Variants in ZBTB20 observed in about 807,000 individuals in gnomAD.
ZBTB20 encodes the protein zinc finger and BTB domain containing 20, also known as zinc finger and BTB domain-containing protein 20.
In ZBTB20, 9 loss-of-function variants were observed where a neutral mutation model predicts 56.9. The ratio of observed to expected loss-of-function variants is 0.16; its 90% confidence interval spans 0.10 to 0.28. The LOEUF (loss-of-function observed/expected upper bound fraction) is 0.28, where lower values mean the gene tolerates loss of function less well. Among genes scored for constraint, ZBTB20 ranks in the 10% least tolerant of loss-of-function variants. ZBTB20 has a pLI of 1.00. For missense variants in ZBTB20, 655 were observed against 1,003.0 expected (o/e 0.65, Z 4.69); for synonymous variants, 417 against 420.7 (o/e 0.99, Z 0.11).
intron 2 of ZBTB20, among the ~76,000 whole-genome samples, chr3:114,987,618 A>G (rs750555547): frequency 1.1e-4 from 17 of 152,144 alleles, no homozygotes; most frequent in South Asian, 2.1e-4. Context: ...TATTTCCAAA[A>G]TAACATAGGT....
chr3:114,927,430 C>T (rs114044371), intron 3 of ZBTB20, among the ~76,000 whole-genome samples: 278 of 152,298 alleles, frequency 1.8e-3, no homozygotes, highest in Non-Finnish European at 3.3e-3. Context: ...GTGTCCTTAA[C>T]GTTGACAAAA....
At chr3:114,539,978 T>G (rs1207711717) in intron 6 of ZBTB20, among the ~76,000 whole-genome samples, 1 of 151,742 alleles carries the variant, frequency 6.6e-6, no homozygotes, top group Non-Finnish European at 1.5e-5. Context: ...TAAACTTGTG[T>G]CATGGGGGTT....
At chr3:114,881,600 G>A (rs1483720521) in intron 4 of ZBTB20, among the ~76,000 whole-genome samples, 1 of 151,766 alleles carries the variant, frequency 6.6e-6, no homozygotes, top group African/African-American at 2.4e-5. Context: ...TTATAAAGAA[G>A]ATGTTTTCTT....
At chr3:115,024,908 A>T (rs2080355703) in intron 2 of ZBTB20, among the ~76,000 whole-genome samples, 2 of 151,182 alleles carry the variant, frequency 1.3e-5, no homozygotes, top group Admixed American at 1.3e-4. Flanking sequence ...TAGAAATTAT[A>T]TATCGATTTA....
chr3:114,697,006 T>C (rs999053350), intron 5 of ZBTB20, among the ~76,000 whole-genome samples: 3 of 150,200 alleles, frequency 2.0e-5, no homozygotes, highest in Non-Finnish European at 4.4e-5. Flanking sequence ...GTCTCTGTTG[T>C]AGCATCTAGA....
At chr3:115,034,406 AATC>A (rs1303432414) in intron 2 of ZBTB20, among the ~76,000 whole-genome samples, 2 of 151,898 alleles carry the variant, frequency 1.3e-5, no homozygotes, top group Non-Finnish European at 2.9e-5. Flanking sequence ...GGATAAAAAA[AATC>A]ATCACGCAAA....
chr3:114,706,871 GTTTAA>G (rs946369954), intron 5 of ZBTB20, among the ~76,000 whole-genome samples: 8 of 152,052 alleles, frequency 5.3e-5, no homozygotes, highest in Non-Finnish European at 8.8e-5. Context: ...GACGAGAGTA[GTTTAA>G]TTTAAGCAAA....
intron 4 of ZBTB20, among the ~76,000 whole-genome samples, chr3:114,862,188 T>G (rs1023933687): frequency 2.6e-5 from 4 of 152,208 alleles, no homozygotes; most frequent in African/African-American, 9.7e-5. Flanking sequence ...TTCTAAGCAC[T>G]GTGCAAACAT....
intron 2 of ZBTB20, among the ~76,000 whole-genome samples, chr3:115,031,428 A>G (rs1054628423): frequency 6.6e-6 from 1 of 151,468 alleles, no homozygotes; most frequent in African/African-American, 2.4e-5. Flanking sequence ...AGTATATGCA[A>G]CGTGCCAAAT....
At chr3:115,143,590 T>A (rs959303859) in intron 1 of ZBTB20, among the ~76,000 whole-genome samples, 1 of 152,128 alleles carries the variant, frequency 6.6e-6, no homozygotes, top group African/African-American at 2.4e-5. Flanking sequence ...CAACCAAAAA[T>A]TAACAGATAT....
At chr3:114,997,347 C>A (rs767991421) in intron 2 of ZBTB20, among the ~76,000 whole-genome samples, 17 of 151,612 alleles carry the variant, frequency 1.1e-4, no homozygotes, top group Non-Finnish European at 2.1e-4. Context: ...TACAACCTTG[C>A]GAATATGCTA....
intron 2 of ZBTB20, among the ~76,000 whole-genome samples, chr3:114,990,180 C>G (rs904230165): frequency 6.6e-6 from 1 of 152,084 alleles, no homozygotes; most frequent in Non-Finnish European, 1.5e-5. Flanking sequence ...TGTCTTGTGC[C>G]CGTTTTCAAA....
chr3:115,088,757 T>A (rs2083081567), intron 1 of ZBTB20, among the ~76,000 whole-genome samples: 1 of 151,834 alleles, frequency 6.6e-6, no homozygotes, highest in Admixed American at 6.6e-5. Context: ...AGTTTTTAGA[T>A]GTTATGAAGC....
At chr3:114,497,678 G>C (rs975328243) in intron 7 of ZBTB20, among the ~76,000 whole-genome samples, 4 of 152,082 alleles carry the variant, frequency 2.6e-5, no homozygotes, top group African/African-American at 9.7e-5. Flanking sequence ...CCTATCATAT[G>C]CTATAGTCTT....
rs2079499115 is a variant in ZBTB20, at chr3:114,337,480, CTCTT to C, written c.*1521_*1524del. On this transcript the variant is annotated 3_prime_UTR_variant, in exon 12 of 12. Transcript: ENST00000675478. ...ATGAAATTTTGGAGAAGCAAGCAATCTCTTTCTGAAAGATAAAGTCTCTTCCATG... is the reference window on the plus strand; with the variant it reads ...ATGAAATTTTGGAGAAGCAAGCAATCTCTGAAAGATAAAGTCTCTTCCATG... The C allele has an allele frequency of 6.6e-6, 1 of 152,168 alleles. No homozygotes were observed. 9.4% of individuals were successfully genotyped at this position (152,168 alleles called of 1,614,324 possible).
intron 2 of ZBTB20, among the ~76,000 whole-genome samples, chr3:115,048,212 G>A (rs551952498): frequency 4.6e-5 from 7 of 152,234 alleles, no homozygotes; most frequent in African/African-American, 1.7e-4. Context: ...GCGACAGAGC[G>A]AGACTCTGTC....
intron 1 of ZBTB20, among the ~76,000 whole-genome samples, chr3:115,072,436 G>A (rs1383009690): frequency 2.0e-5 from 3 of 152,130 alleles, no homozygotes; most frequent in African/African-American, 4.8e-5. Flanking sequence ...GGGTTCTAAG[G>A]ATCTCGAATA....
At chr3:115,012,277 T>C (rs1033839186) in intron 2 of ZBTB20, among the ~76,000 whole-genome samples, 4 of 151,690 alleles carry the variant, frequency 2.6e-5, no homozygotes, top group Admixed American at 6.6e-5. Context: ...AGTGGATGAA[T>C]GAACAAACAA....
At chr3:114,523,761 G>C (rs968111630) in intron 6 of ZBTB20, among the ~76,000 whole-genome samples, 2 of 152,148 alleles carry the variant, frequency 1.3e-5, no homozygotes, top group Admixed American at 6.5e-5. Flanking sequence ...TTTCAGTGAA[G>C]TAAAAAGAAA....
Sources: allele counts gnomAD v4.1 joint callset (sites outside exome capture counted in the v4.1 genomes callset), GRCh38; gene constraint gnomAD v4.1.1; transcripts MANE v1.5; gene names NCBI Gene and HGNC (gene_info 2026-07-23, HGNC 2026-07-21).